Variants in MTMR3 observed in about 807,000 individuals in gnomAD.
MTMR3 encodes the protein phosphatidylinositol-3,5-bisphosphate 3-phosphatase MTMR3.
A neutral mutation model predicts 132.4 loss-of-function variants in MTMR3; 32 were observed. That is an observed-to-expected ratio of 0.24 (90% CI 0.18 to 0.32). The LOEUF is 0.32. MTMR3 is among the 10% of genes least tolerant of loss of function. The probability of loss-of-function intolerance (pLI) is 1.00; values close to 1 mark genes in which losing one functional copy is unlikely to be tolerated. For missense variants in MTMR3, 1,216 were observed against 1,489.6 expected (o/e 0.82, Z 3.02); for synonymous variants, 556 against 550.3 (o/e 1.01, Z -0.14).
At chr22:29,901,501 C>T (rs1452631841) in intron 1 of MTMR3, among the ~76,000 whole-genome samples, 1 of 152,056 alleles carries the variant, frequency 6.6e-6, no homozygotes, top group Non-Finnish European at 1.5e-5. Context: ...GAGTATGGTT[C>T]TGTGAGGTTG....
intron 1 of MTMR3, among the ~76,000 whole-genome samples, chr22:29,926,264 T>C (rs1173138993): frequency 6.6e-6 from 1 of 152,240 alleles, no homozygotes; most frequent in Admixed American, 6.5e-5. Flanking sequence ...ATTGTGTGTA[T>C]GGATATACCA....
At chr22:29,952,685 C>A (rs925567098) in intron 1 of MTMR3, among the ~76,000 whole-genome samples, 2 of 151,556 alleles carry the variant, frequency 1.3e-5, no homozygotes, top group South Asian at 4.2e-4. Flanking sequence ...CCACCACTTA[C>A]CACAGTAGCT....
intron 1 of MTMR3, among the ~76,000 whole-genome samples, chr22:29,940,255 G>A (rs2065831114): frequency 2.6e-5 from 4 of 152,078 alleles, no homozygotes; most frequent in Admixed American, 2.6e-4. Flanking sequence ...GGGACAGAGC[G>A]AGACTCCGTT....
intron 12 of MTMR3, 134 bp from the exon 13 acceptor site, chr22:30,012,234 A>AT (rs1206100393): frequency 1.8e-5 from 16 of 886,838 alleles, no homozygotes; most frequent in Admixed American, 8.3e-5. Flanking sequence ...AAACACACAG[A>AT]TTTTTTTGTT....
chr22:29,978,902 T>C, intron 4 of MTMR3, 34 bp from the exon 5 acceptor site: 5 of 1,481,274 alleles, frequency 3.4e-6, no homozygotes, highest in Non-Finnish European at 4.7e-6. Flanking sequence ...TTTTAACTGC[T>C]TCAGAACTCT....
intron 12 of MTMR3, chr22:30,012,054 A>C: frequency 5.0e-6 from 1 of 199,578 alleles, no homozygotes; most frequent in East Asian, 1.3e-4. Context: ...AAGATTCCAG[A>C]AAGAGCCACT....
intron 1 of MTMR3, among the ~76,000 whole-genome samples, chr22:29,906,468 A>G (rs1337966802): frequency 1.3e-5 from 2 of 149,094 alleles, no homozygotes; most frequent in African/African-American, 2.5e-5. Context: ...AGCTGGGATT[A>G]CAGGCGTGTG....
Position 29,910,536 on chromosome 22 carries a change from G to C in MTMR3, c.-138+27177G>C, listed in dbSNP as rs370865139. 3.0e-4 allele frequency among the ~76,000 whole-genome samples: 46 copies of C among 152,232 alleles called. No homozygotes were observed. The East Asian group carries it at 4.2e-3, about 14-fold the overall frequency. ...TCTTCAGGGAGAGTTAGCTATGTGA[G>C]TGCTACATGAATTTTAGTCATTACT... is the stretch of plus-strand genomic sequence containing the variant. On this transcript the variant is annotated intron_variant, in intron 1 of 19. Coordinates refer to ENST00000401950, the MANE Select transcript of MTMR3 (RefSeq NM_021090.4).
chr22:29,902,671 A>G (rs2065024282), intron 1 of MTMR3, among the ~76,000 whole-genome samples: 1 of 152,028 alleles, frequency 6.6e-6, no homozygotes, highest in South Asian at 2.1e-4. Flanking sequence ...CTGGCTGGTT[A>G]TGAAAGTTTA....
At chr22:30,022,944 G>T in intron 19 of MTMR3, 1 of 508,518 alleles carries the variant, frequency 2.0e-6, no homozygotes, top group South Asian at 2.6e-5. Flanking sequence ...TCCCAGATTG[G>T]TGAAACAACA....
intron 2 of MTMR3, among the ~76,000 whole-genome samples, chr22:29,957,296 A>T (rs1260414117): frequency 2.0e-5 from 3 of 148,556 alleles, no homozygotes; most frequent in African/African-American, 7.5e-5. Context: ...ATACCAGGTC[A>T]CTTTTTCTAT....
chr22:29,901,916 A>G (rs929420338), intron 1 of MTMR3, among the ~76,000 whole-genome samples: 6 of 152,178 alleles, frequency 3.9e-5, no homozygotes, highest in African/African-American at 1.2e-4. Flanking sequence ...GGAGCATTCC[A>G]TTGTATGGAT....
chr22:29,888,623 G>A (rs2064726292), intron 1 of MTMR3, among the ~76,000 whole-genome samples: 1 of 152,068 alleles, frequency 6.6e-6, no homozygotes, highest in South Asian at 2.1e-4. Context: ...CCTTAACATG[G>A]AGTATGGAGT....
intron 1 of MTMR3, among the ~76,000 whole-genome samples, chr22:29,927,222 T>C (rs1229764872): frequency 2.0e-5 from 3 of 152,236 alleles, no homozygotes; most frequent in Non-Finnish European, 4.4e-5. Flanking sequence ...TCTGTGTGTC[T>C]TTATGCTAGT....
rs369187769 is a variant in MTMR3 at position 30,020,758 on chromosome 22, G to C, written c.3099G>C (p.Gln1033His). 6.2e-7 allele frequency: 1 copy of C among 1,614,098 alleles called. No individual in the cohort carries two copies. Among genetic ancestry groups the C allele is most frequent in the African/African-American group, 1.3e-5 (1 of 74,938 alleles). ...ACACGATCCAACAGCGCCTGCGTCA[G>C]ATTGAGTCAGGCCACCAGCAGGAAG... ...YTDTIQQRLRQIESGHQQEVE... is the reference protein window; with the variant it reads ...YTDTIQQRLRHIESGHQQEVE... Residue 1033 changes from glutamine (Q) to histidine (H), a missense_variant, in exon 17 of 20, where the codon CAG (glutamine) becomes CAC (histidine). Coordinates refer to ENST00000401950, the MANE Select transcript of MTMR3 (RefSeq NM_021090.4).
intron 1 of MTMR3, among the ~76,000 whole-genome samples, chr22:29,923,599 A>G (rs79296409): frequency 1.3e-5 from 2 of 152,254 alleles, no homozygotes; most frequent in South Asian, 2.1e-4. Flanking sequence ...TTCTCAGGCT[A>G]CCATAACAAA....
intron 2 of MTMR3, among the ~76,000 whole-genome samples, chr22:29,958,468 T>A (rs2066243912): frequency 6.6e-6 from 1 of 152,120 alleles, no homozygotes; most frequent in Non-Finnish European, 1.5e-5. Context: ...TGTACCAAGT[T>A]CATCTCTTGT....
At chr22:29,989,562 A>C (rs1362491722) in intron 6 of MTMR3, 1 of 152,076 alleles carries the variant, frequency 6.6e-6, no homozygotes, top group Non-Finnish European at 1.5e-5. Context: ...ATTTTCTTTT[A>C]TGACATTCAC....
intron 5 of MTMR3, chr22:29,980,842 A>G (rs1026776093): frequency 4.6e-5 from 7 of 152,262 alleles, no homozygotes; most frequent in African/African-American, 1.4e-4. Context: ...CACTACTTCT[A>G]TGATGAAGAT....
Sources: gnomAD v4.1 joint callset for allele counts (sites outside exome capture counted in the v4.1 genomes callset) on GRCh38, gnomAD v4.1.1 for gene constraint, MANE v1.5 for transcripts, NCBI Gene and HGNC (gene_info 2026-07-23, HGNC 2026-07-21) for gene names.